Variants in GRM7 observed in about 807,000 individuals in gnomAD.
The protein encoded by GRM7 is metabotropic glutamate receptor 7.
Under a neutral mutation model 84.5 loss-of-function variants are expected in GRM7, and 35 were observed. The ratio of observed to expected loss-of-function variants is 0.41; its 90% CI spans 0.32 to 0.55. GRM7 has a LOEUF of 0.55. Ranked by LOEUF, GRM7 falls within the 20% of genes least tolerant of loss-of-function variation. The probability of loss-of-function intolerance (pLI) is 0.19; values close to 1 mark genes in which losing one functional copy is unlikely to be tolerated. For missense variants in GRM7, 1,003 were observed against 1,194.6 expected (o/e 0.84, Z 2.36); for synonymous variants, 487 against 455.1 (o/e 1.07, Z -0.89).
chr3:7,515,359 C>T (rs1700339629), intron 7 of GRM7, among the ~76,000 whole-genome samples: 1 of 152,096 alleles, frequency 6.6e-6, no homozygotes, highest in African/African-American at 2.4e-5. Flanking sequence ...TTAGCTTTGG[C>T]AGCATCCCTG....
At chr3:6,898,402 C>CAAAAAAAA (rs58548226) in intron 1 of GRM7, among the ~76,000 whole-genome samples, 1 of 101,836 alleles carries the variant, frequency 9.8e-6, no homozygotes. Context: ...GGCACAAAGA[C>CAAAAAAAA]AAAAAAAAAA....
chr3:7,562,886 G>A (rs1167789912), intron 7 of GRM7, among the ~76,000 whole-genome samples: 3 of 151,906 alleles, frequency 2.0e-5, no homozygotes, highest in Non-Finnish European at 4.4e-5. Context: ...TATGTTGCAG[G>A]GCTAGTTTTC....
In GRM7 at chr3:7,461,411, A is replaced by G. The variant is rs538003178; in HGVS notation, c.1376-172A>G. On this transcript the variant is annotated intron_variant, in intron 6 of 9. Coordinates refer to ENST00000357716, the MANE Select transcript of GRM7 (RefSeq NM_000844.4). ...CTTCTATAATTAAAATTCATAGGCC[A>G]TAGTGATAACTTGCCTATGAATTGC... Among the ~76,000 whole-genome samples, 209 of 152,298 alleles carry G rather than the reference A, an allele frequency of 1.4e-3. 2 individuals carry two copies. The highest frequency in any genetic ancestry group is 4.3e-3 in the African/African-American group (179 of 41,564).
chr3:7,220,983 A>G (rs1208341511), intron 2 of GRM7, among the ~76,000 whole-genome samples: 1 of 152,000 alleles, frequency 6.6e-6, no homozygotes, highest in African/African-American at 2.4e-5. Flanking sequence ...GTTCCCAGCT[A>G]CTCAGGAGGT....
intron 2 of GRM7, among the ~76,000 whole-genome samples, chr3:7,252,815 A>G (rs561883736): frequency 1.3e-5 from 2 of 151,412 alleles, no homozygotes; most frequent in East Asian, 3.9e-4. Context: ...CAGCCTCCAG[A>G]GTAGCTGCGA....
chr3:7,410,598 TACAC>T (rs35513247), intron 4 of GRM7, among the ~76,000 whole-genome samples: 34 of 142,684 alleles, frequency 2.4e-4, no homozygotes, highest in African/African-American at 5.4e-4. Flanking sequence ...TATATATATA[TACAC>T]ACACACACAC....
intron 7 of GRM7, among the ~76,000 whole-genome samples, chr3:7,573,681 T>C (rs1694818819): frequency 6.6e-6 from 1 of 152,212 alleles, no homozygotes; most frequent in Non-Finnish European, 1.5e-5. Context: ...TAGAAAACTT[T>C]AGCTGGTGGT....
chr3:7,516,593 T>C lies in GRM7; in HGVS notation c.1515+54871T>C, dbSNP rs374682483. Among the ~76,000 whole-genome samples, 4 of 152,084 alleles carry C rather than the reference T, an allele frequency of 2.6e-5. No individual in the cohort carries two copies. The East Asian group carries it at 5.8e-4, about 22-fold the overall frequency. ...TGGTATAACCAGCAACTTTAGATTC[T>C]TAAGTGCAGGGGAAGCCAGATCACT... is the stretch of plus-strand genomic sequence containing the variant. On this transcript the variant is annotated intron_variant, in intron 7 of 9. Transcript: ENST00000357716.
In GRM7 at chr3:6,883,893, C is replaced by T. The variant is rs529634217; in HGVS notation, c.519+21986C>T. ...GAAGTCTGAGAAGTTATCTTGGTCT[C>T]TTCTGGAAATGAGCAGCAACGTACT... is the stretch of plus-strand genomic sequence containing the variant. On this transcript the variant is annotated intron_variant, in intron 1 of 9. Coordinates refer to ENST00000357716, the MANE Select transcript of GRM7 (RefSeq NM_000844.4). Among the ~76,000 whole-genome samples, 471 of 152,282 alleles carry T rather than the reference C, an allele frequency of 3.1e-3. 2 individuals carry two copies. Among genetic ancestry groups the T allele is most frequent in the Non-Finnish European group, 5.7e-3 (389 of 68,028 alleles).
chr3:7,504,453 A>G (rs752370562), intron 7 of GRM7, among the ~76,000 whole-genome samples: 27 of 152,208 alleles, frequency 1.8e-4, no homozygotes, highest in Non-Finnish European at 3.7e-4. Context: ...TTCTCTTACT[A>G]TAAAAGAATA....
intron 5 of GRM7, among the ~76,000 whole-genome samples, chr3:7,448,482 G>T (rs577978130): frequency 1.2e-4 from 19 of 152,314 alleles, no homozygotes; most frequent in Non-Finnish European, 2.6e-4. Context: ...ACTCACATTG[G>T]TGGCCTCCAA....
At chr3:6,864,226 G>A (rs898189474) in intron 1 of GRM7, among the ~76,000 whole-genome samples, 8 of 152,228 alleles carry the variant, frequency 5.3e-5, no homozygotes, top group Admixed American at 6.5e-5. Flanking sequence ...TGGAGAAGAG[G>A]CTGGTAGTCT....
intron 7 of GRM7, among the ~76,000 whole-genome samples, chr3:7,567,248 TG>T (rs1297658014): frequency 1.3e-5 from 2 of 152,224 alleles, no homozygotes; most frequent in Non-Finnish European, 2.9e-5. Flanking sequence ...ACTACAATAT[TG>T]TATGTTCCCA....
At chr3:7,289,237 A>C (rs1487561249) in intron 2 of GRM7, among the ~76,000 whole-genome samples, 1 of 152,180 alleles carries the variant, frequency 6.6e-6, no homozygotes, top group Admixed American at 6.5e-5. Flanking sequence ...GGAAAGGAAC[A>C]GCTTGCTTTG....
intron 7 of GRM7, among the ~76,000 whole-genome samples, chr3:7,522,593 G>A (rs2124992885): frequency 6.6e-6 from 1 of 152,256 alleles, no homozygotes; most frequent in Admixed American, 6.5e-5. Context: ...CATTTATGAT[G>A]TAGGTATATC....
intron 8 of GRM7, among the ~76,000 whole-genome samples, chr3:7,621,482 A>G (rs1374723003): frequency 6.6e-6 from 1 of 152,158 alleles, no homozygotes. Context: ...ACCGGAATGC[A>G]CCTGTAAAAT....
At position 7,224,161 on chromosome 3, in the gene GRM7, G is replaced by T. The variant is rs191056693; in HGVS notation, c.737-74523G>T. On this transcript the variant is annotated intron_variant, in intron 2 of 9. Transcript: ENST00000357716. ...GTTTATTTGACTCACAGTTCTGCAG[G>T]CTGTACAGGAAGCATGGCAGCATCT... 2.0e-3 allele frequency among the ~76,000 whole-genome samples: 308 copies of T among 152,282 alleles called. 6 individuals are homozygous for T. The highest frequency in any genetic ancestry group is 0.016 in the Admixed American group (248 of 15,282).
At chr3:7,658,560 A>G (rs1553633022) in intron 8 of GRM7, among the ~76,000 whole-genome samples, 1 of 152,246 alleles carries the variant, frequency 6.6e-6, no homozygotes, top group Non-Finnish European at 1.5e-5. Context: ...ACTGACTCAC[A>G]GTCAATTTTT....
chr3:7,366,069 G>A (rs186669787), intron 4 of GRM7, among the ~76,000 whole-genome samples: 1 of 151,726 alleles, frequency 6.6e-6, no homozygotes, highest in Admixed American at 6.6e-5. Flanking sequence ...AGATCAAATT[G>A]TTTTGTTTCA....
Sources: gnomAD v4.1 joint callset for allele counts (sites outside exome capture counted in the v4.1 genomes callset) on GRCh38, gnomAD v4.1.1 for gene constraint, MANE v1.5 for transcripts, NCBI Gene and HGNC (gene_info 2026-07-23, HGNC 2026-07-21) for gene names.